The following SLC9A3 variants were observed in gnomAD, a reference collection of about 807,000 sequenced individuals.
The protein encoded by SLC9A3 is solute carrier family 9 member A3.
Under a neutral mutation model 86.8 loss-of-function variants are expected in SLC9A3, and 37 were observed. That is an observed-to-expected ratio of 0.43 (90% CI 0.33 to 0.56). SLC9A3 has a LOEUF of 0.56. SLC9A3 is among the 20% of genes least tolerant of loss of function. The probability of loss-of-function intolerance (pLI) is 0.06; values close to 1 mark genes in which losing one functional copy is unlikely to be tolerated. For missense variants in SLC9A3, 1,011 were observed against 1,171.9 expected, an observed-to-expected ratio of 0.86 and a Z score of 2.00; for synonymous variants, 581 against 528.3, an observed-to-expected ratio of 1.10 and a Z score of -1.37.
intron 1 of SLC9A3, among the ~76,000 whole-genome samples, chr5:501,182 G>T (rs1009912349): frequency 2.6e-5 from 4 of 152,150 alleles, no homozygotes; most frequent in African/African-American, 9.7e-5. Context: ...CCGGATGGGC[G>T]CCGGAAAGGG....
chr5:486,600 C>T lies in SLC9A3; in HGVS notation c.676-1369G>A, dbSNP rs540686184. On this transcript the variant is annotated intron_variant, in intron 3 of 16. Transcript: ENST00000264938. ...CGTTAGCACCAGTTCAGTTTCCCTC[C>T]CTTCACCTCTGTCATGGGCCAAATT... 9.2e-5 allele frequency among the ~76,000 whole-genome samples: 14 copies of T among 152,310 alleles called. No individual in the cohort carries two copies. The South Asian group carries it at 2.9e-3, about 32-fold the overall frequency.
intron 1 of SLC9A3, among the ~76,000 whole-genome samples, chr5:508,443 T>C (rs1445400053): frequency 2.2e-5 from 2 of 88,960 alleles, no homozygotes; most frequent in African/African-American, 4.5e-5. Context: ...ACGCAGCCCA[T>C]AGCGCGCCTG....
chr5:475,676 G>A lies in SLC9A3; in HGVS notation c.2141-5C>T, dbSNP rs1473567720. 3.9e-6 allele frequency: 6 copies of A among 1,519,846 alleles called. No individual in the cohort carries two copies. Among genetic ancestry groups the A allele is most frequent in the Non-Finnish European group, 5.4e-6 (6 of 1,117,884 alleles). The allele number at this position is 1,519,846 out of a possible 1,614,324, so 94.1% of individuals were successfully genotyped here. A position where few individuals can be genotyped will look rare whatever the true frequency, so the allele number is the denominator to read the frequency against. ...CGGTGTCTGAAAGTTCCAAGTCTGG[G>A]GAAGACAGGTTGGGGTGAGGACTGG... is the stretch of plus-strand genomic sequence containing the variant. On this transcript the variant is annotated splice_region_variant and splice_polypyrimidine_tract_variant and intron_variant, in intron 14 of 16. Coordinates refer to ENST00000264938, the MANE Select transcript of SLC9A3 (RefSeq NM_004174.4).
intron 3 of SLC9A3, among the ~76,000 whole-genome samples, chr5:486,306 A>G (rs1739460060): frequency 6.6e-6 from 1 of 152,168 alleles, no homozygotes; most frequent in Non-Finnish European, 1.5e-5. Context: ...GGCTGGCCTC[A>G]CTGACGGTTC....
chr5:520,357 C>G (rs12054954), intron 1 of SLC9A3, among the ~76,000 whole-genome samples: 1 of 152,314 alleles, frequency 6.6e-6, no homozygotes, highest in Non-Finnish European at 1.5e-5. Flanking sequence ...GGTCCTGTCG[C>G]TCATGTGTGG....
At chr5:509,285 A>G (rs1740769891) in intron 1 of SLC9A3, among the ~76,000 whole-genome samples, 1 of 151,986 alleles carries the variant, frequency 6.6e-6, no homozygotes, top group African/African-American at 2.4e-5. Context: ...CTCTGTCTCT[A>G]CTAAAGTAAA....
At chr5:499,677 C>T (rs1026058578) in intron 1 of SLC9A3, among the ~76,000 whole-genome samples, 2 of 152,248 alleles carry the variant, frequency 1.3e-5, no homozygotes, top group Non-Finnish European at 2.9e-5. Context: ...TCTGGTCTGA[C>T]AACCAGTCAC....
rs180838994 is a variant in SLC9A3 at position 491,008 on chromosome 5, G to A, written c.514+761C>T. On this transcript the variant is annotated intron_variant, in intron 2 of 16. Transcript: ENST00000264938. The surrounding 1 kb of genome is among the most constrained non-coding windows in gnomAD (Gnocchi z 9.2). ...TTGATTCCCATGGAGAGGCCGGGCC[G>A]TGCTCTCTCTTGAACCAGACGGAAA... is the stretch of plus-strand genomic sequence containing the variant. 5.3e-5 allele frequency among the ~76,000 whole-genome samples: 8 copies of A among 152,238 alleles called. No homozygotes were observed. Among genetic ancestry groups the A allele is most frequent in the South Asian group, 2.1e-4 (1 of 4,836 alleles).
intron 10 of SLC9A3, chr5:477,788 T>G: frequency 4.3e-6 from 1 of 231,054 alleles, no homozygotes; most frequent in Non-Finnish European, 8.4e-6. Context: ...ATCATTGAAG[T>G]GGTCTCTGTC....
intron 2 of SLC9A3, among the ~76,000 whole-genome samples, chr5:489,534 G>A (rs1243670253): frequency 6.6e-6 from 1 of 152,188 alleles, no homozygotes; most frequent in Non-Finnish European, 1.5e-5. Context: ...TCTCTGCGGT[G>A]ACTAAACCCC....
rs1227090619 is a variant in SLC9A3, at chr5:491,731, C to A, written c.514+38G>T. 1 of 1,479,444 alleles carries A rather than the reference C, an allele frequency of 6.8e-7. No homozygotes were observed. Among genetic ancestry groups the A allele is most frequent in the East Asian group, 2.5e-5 (1 of 40,150 alleles). The allele number at this position is 1,479,444 out of a possible 1,614,324, so 91.6% of individuals were successfully genotyped here. ...GCAGCGCCGCCCCTCCCGGACCCCA[C>A]CCTGATCCCGGCCGGGGCAACAGTG... On this transcript the variant is annotated intron_variant, in intron 2 of 16. Coordinates refer to ENST00000264938, the MANE Select transcript of SLC9A3 (RefSeq NM_004174.4). This position sits in a 1 kb window ranked among gnomAD's most constrained non-coding sequence, Gnocchi z 9.2.
At chr5:480,383 G>T (rs776949709) in intron 9 of SLC9A3, 2 of 162,872 alleles carry the variant, frequency 1.2e-5, no homozygotes, top group Non-Finnish European at 2.7e-5. Context: ...TAGAGTATTC[G>T]CTGGTTATCC....
At chr5:519,906 T>A (rs1479857056) in intron 1 of SLC9A3, among the ~76,000 whole-genome samples, 1 of 152,174 alleles carries the variant, frequency 6.6e-6, no homozygotes, top group Non-Finnish European at 1.5e-5. Context: ...CTGACCCTCC[T>A]ACGGCTGCGC....
At chr5:480,628 C>T in intron 9 of SLC9A3, 1 of 152,368 alleles carries the variant, frequency 6.6e-6, no homozygotes, top group East Asian at 1.9e-4. Context: ...GAGGCTGTGC[C>T]TTCCGAGACC....
intron 1 of SLC9A3, among the ~76,000 whole-genome samples, chr5:514,294 G>A (rs1304825438): frequency 2.0e-5 from 3 of 152,184 alleles, no homozygotes; most frequent in Non-Finnish European, 4.4e-5. Context: ...TCCCTGACCT[G>A]AGGTCTCCCA....
chr5:474,162 AG>A (rs1193566174), intron 16 of SLC9A3, among the ~76,000 whole-genome samples: 1 of 130,146 alleles, frequency 7.7e-6, no homozygotes, highest in African/African-American at 3.2e-5. Flanking sequence ...CTGGAGGGAG[AG>A]GAGCTGCGGA....
chr5:480,095 G>T, intron 9 of SLC9A3, 130 bp from the exon 10 acceptor site: 1 of 1,023,772 alleles, frequency 9.8e-7, no homozygotes. Flanking sequence ...TTAAAATGAG[G>T]GAAGCAGCCC....
chr5:521,110 C>G (rs1003899837), intron 1 of SLC9A3, among the ~76,000 whole-genome samples: 1 of 152,238 alleles, frequency 6.6e-6, no homozygotes, highest in Non-Finnish European at 1.5e-5. Flanking sequence ...GGGAGGTCTG[C>G]GCTGTGGAGT....
At chr5:513,674 C>T (rs144651910) in intron 1 of SLC9A3, among the ~76,000 whole-genome samples, 160 of 152,336 alleles carry the variant, frequency 1.1e-3, no homozygotes, top group Non-Finnish European at 1.6e-3. Context: ...ATGGGACACA[C>T]GTGCTCCTCA....
Sources: gnomAD v4.1 joint callset for allele counts (sites outside exome capture counted in the v4.1 genomes callset) on GRCh38, gnomAD v4.1.1 for gene constraint, Gnocchi (gnomAD v3.1) non-coding constraint, MANE v1.5 for transcripts, NCBI Gene and HGNC (gene_info 2026-07-23, HGNC 2026-07-21) for gene names.